The following ATG2B variants were observed in gnomAD, a reference collection of about 807,000 sequenced individuals.
ATG2B encodes the protein autophagy-related protein 2 homolog B.
Under a neutral mutation model 241.3 loss-of-function variants are expected in ATG2B, and 121 were observed. The ratio of observed to expected loss-of-function variants is 0.50; its 90% confidence interval spans 0.43 to 0.58. ATG2B has a LOEUF of 0.58. ATG2B is among the 20% of genes least tolerant of loss of function. The pLI is 0.00. For synonymous variants in ATG2B, 858 were observed against 876.6 expected, an observed-to-expected ratio of 0.98 and a Z score of 0.37; for missense variants, 2,306 against 2,491.6, an observed-to-expected ratio of 0.93 and a Z score of 1.59.
At chr14:96,288,390 T>C (rs1265501528) in intron 41 of ATG2B, among the ~76,000 whole-genome samples, 1 of 152,244 alleles carries the variant, frequency 6.6e-6, no homozygotes, top group Non-Finnish European at 1.5e-5. Context: ...TACATCTTAC[T>C]GCCCACTGCC....
chr14:96,343,254 G>A lies in ATG2B; in HGVS notation c.609C>T (p.Asp203=), dbSNP rs775912174. 8 of 1,606,770 alleles carry A rather than the reference G, an allele frequency of 5.0e-6. No individual in the cohort carries two copies. The highest frequency in any genetic ancestry group is 2.7e-5 in the African/African-American group (2 of 74,616). ...ERTVYCDETA[D]ESSGINVHQP... Reference sequence around the variant, plus strand: ...GATGCACATTAATTCCTGAGGATTCGTCAGCAGTTTCATCACAGTACACAG... The same window carrying A: ...GATGCACATTAATTCCTGAGGATTCATCAGCAGTTTCATCACAGTACACAG... Residue 203 remains aspartate, a synonymous_variant, in exon 5 of 42, where the codon GAC becomes GAT. Transcript: ENST00000359933.
intron 30 of ATG2B, 47 bp downstream of exon 30, chr14:96,306,667 C>A: frequency 6.6e-7 from 1 of 1,509,754 alleles, no homozygotes; most frequent in South Asian, 1.2e-5. Context: ...TTGGTCAATT[C>A]ATTTGTAACA....
chr14:96,288,199 G>C (rs1050954473), intron 41 of ATG2B, among the ~76,000 whole-genome samples: 2 of 152,048 alleles, frequency 1.3e-5, no homozygotes, highest in African/African-American at 4.8e-5. Context: ...CCTTTTCTCT[G>C]TGGTACTTGG....
At chr14:96,309,696 A>C in intron 28 of ATG2B, 102 bp from the exon 29 acceptor site, 1 of 1,133,466 alleles carries the variant, frequency 8.8e-7, no homozygotes, top group Non-Finnish European at 1.2e-6. Flanking sequence ...GTACAAAAAC[A>C]TCAGAAATAG....
chr14:96,336,852 T>C (rs1305928127), intron 6 of ATG2B, among the ~76,000 whole-genome samples: 2 of 152,150 alleles, frequency 1.3e-5, no homozygotes, highest in Non-Finnish European at 2.9e-5. Flanking sequence ...ACATGTTACT[T>C]GTAAAGGGCC....
rs1162705809 is a variant in ATG2B, at chr14:96,286,474, T to A, written c.6007-489A>T. On this transcript the variant is annotated intron_variant, in intron 41 of 41. Transcript: ENST00000359933. ...AATTCAATTAAGATAAAAAGCTCAA[T>A]AGAACATTTTATTGGATTAGAGAAT... Among the ~76,000 whole-genome samples, 3 of 152,178 alleles carry A rather than the reference T, an allele frequency of 2.0e-5. No homozygotes were observed. The East Asian group carries it at 5.8e-4, about 29-fold the overall frequency.
chr14:96,281,490 A>G lies in ATG2B; in HGVS notation c.*4265T>C, dbSNP rs1220951400. 1 of 152,180 alleles carries G rather than the reference A, an allele frequency of 6.6e-6. No homozygotes were observed. The highest frequency in any genetic ancestry group is 1.5e-5 in the Non-Finnish European group (1 of 68,018). 9.4% of individuals were successfully genotyped at this position (152,180 alleles called of 1,614,324 possible). A position where few individuals can be genotyped will look rare whatever the true frequency, so the allele number is the denominator to read the frequency against. The stretch of plus-strand genomic sequence containing the variant: ...AATTCAATGTCTAAAATAAGTCAGG[A>G]TGGATCAACATAAAAGCTGAACTAG... On this transcript the variant is annotated 3_prime_UTR_variant, in exon 42 of 42. Transcript: ENST00000359933.
intron 14 of ATG2B, among the ~76,000 whole-genome samples, chr14:96,326,908 C>T (rs1815121007): frequency 6.6e-6 from 1 of 152,084 alleles, no homozygotes; most frequent in Non-Finnish European, 1.5e-5. Context: ...ATTTGATTTG[C>T]TAATATTTAA....
chr14:96,289,009 G>T lies in ATG2B; in HGVS notation c.6006+647C>A, dbSNP rs1037865634. On this transcript the variant is annotated intron_variant, in intron 41 of 41. Transcript: ENST00000359933. The surrounding 1 kb of genome is among the most constrained non-coding windows in gnomAD (Gnocchi z 4.3). ...AATGGAAACTGAATGTCCACCAACAGGAAAATAAATAAATTATGATATATT... is the reference window on the plus strand; with the variant it reads ...AATGGAAACTGAATGTCCACCAACATGAAAATAAATAAATTATGATATATT... Among the ~76,000 whole-genome samples the T allele has an allele frequency of 2.0e-5, 3 of 151,842 alleles. No homozygotes were observed. Among genetic ancestry groups the T allele is most frequent in the African/African-American group, 7.3e-5 (3 of 41,280 alleles).
At chr14:96,312,663 T>C (rs1329901830) in intron 25 of ATG2B, among the ~76,000 whole-genome samples, 6 of 151,940 alleles carry the variant, frequency 3.9e-5, no homozygotes, top group Admixed American at 1.3e-4. Flanking sequence ...GGGCAAAAGA[T>C]CACTTGGGCT....
chr14:96,296,838 A>T (rs1358854467), intron 34 of ATG2B, among the ~76,000 whole-genome samples: 2 of 152,144 alleles, frequency 1.3e-5, no homozygotes, highest in Non-Finnish European at 2.9e-5. Context: ...TGCAATGTGA[A>T]GGGTCAAAAT....
intron 29 of ATG2B, among the ~76,000 whole-genome samples, chr14:96,308,247 T>C (rs1200449356): frequency 6.0e-4 from 8 of 13,308 alleles, no homozygotes; most frequent in African/African-American, 1.7e-3. Flanking sequence ...TATATATATA[T>C]ATATACACAC....
At position 96,313,394 on chromosome 14, in the gene ATG2B, T is replaced by C. The variant is rs1439839948; in HGVS notation, c.3684A>G (p.Gly1228=). Residue 1228 remains glycine (G), a synonymous_variant, in exon 24 of 42, where the codon GGA becomes GGG. Coordinates refer to ENST00000359933, the MANE Select transcript of ATG2B (RefSeq NM_018036.7). ...FLNIADEPVL[G]YNPPTSFTTF... is the part of the protein sequence containing the mutation. The stretch of plus-strand genomic sequence containing the variant: ...TTGTAAATGAAGTTGGAGGATTATA[T>C]CCCAAAACAGGTTCATCAGCAATAT... 1 of 1,594,476 alleles carries C rather than the reference T, an allele frequency of 6.3e-7. No individual in the cohort carries two copies. The highest frequency in any genetic ancestry group is 8.5e-7 in the Non-Finnish European group (1 of 1,174,434).
chr14:96,349,819 G>T (rs1189918016), intron 1 of ATG2B, among the ~76,000 whole-genome samples: 1 of 152,126 alleles, frequency 6.6e-6, no homozygotes, highest in East Asian at 1.9e-4. Flanking sequence ...CCTCCAGCTA[G>T]AGCTCAGGAG....
In ATG2B at chr14:96,290,183, A is replaced by G; in HGVS notation, c.5856+253T>C. The G allele has an allele frequency of 7.8e-7, 1 of 1,289,712 alleles. No homozygotes were observed. Among genetic ancestry groups the G allele is most frequent in the South Asian group, 2.1e-5 (1 of 47,618 alleles). The allele number at this position is 1,289,712 out of a possible 1,614,324, so 79.9% of individuals were successfully genotyped here. On this transcript the variant is annotated intron_variant, in intron 40 of 41. Coordinates refer to ENST00000359933, the MANE Select transcript of ATG2B (RefSeq NM_018036.7). The surrounding 1 kb of genome is among the most constrained non-coding windows in gnomAD (Gnocchi z 4.4). ...CTTTCATACAAATATGGTGAAATCA[A>G]TCCTCTGCTAACTTAATGTTTACAA...
intron 24 of ATG2B, 69 bp downstream of exon 24, chr14:96,313,260 T>C (rs1887211731): frequency 2.2e-6 from 3 of 1,371,280 alleles, no homozygotes; most frequent in South Asian, 2.5e-5. Context: ...CTCTACTGAA[T>C]TATGTATTTT....
chr14:96,299,826 A>G (rs922991669), intron 34 of ATG2B, among the ~76,000 whole-genome samples: 4 of 152,244 alleles, frequency 2.6e-5, no homozygotes, highest in Non-Finnish European at 5.9e-5. Context: ...GATTCAATTA[A>G]GAAGAATAAG....
At chr14:96,346,653 TA>T (rs1247279936) in intron 2 of ATG2B, among the ~76,000 whole-genome samples, 2 of 152,226 alleles carry the variant, frequency 1.3e-5, no homozygotes, top group Non-Finnish European at 2.9e-5. Flanking sequence ...TATTTATAAG[TA>T]GCTATTCTGC....
intron 27 of ATG2B, 67 bp from the exon 28 acceptor site, chr14:96,311,354 T>C (rs1887151076): frequency 4.9e-6 from 7 of 1,415,730 alleles, no homozygotes; most frequent in South Asian, 4.0e-5. Context: ...TTTTTTTGCA[T>C]AGATTTACAT....
Sources: gnomAD v4.1 joint callset for allele counts (sites outside exome capture counted in the v4.1 genomes callset) on GRCh38, gnomAD v4.1.1 for gene constraint, Gnocchi (gnomAD v3.1) non-coding constraint, MANE v1.5 for transcripts, NCBI Gene and HGNC (gene_info 2026-07-23, HGNC 2026-07-21) for gene names.